LRP1B: variants seen among roughly 807,000 people sequenced by gnomAD.
LRP1B encodes the protein low-density lipoprotein receptor-related protein 1B.
LRP1B carries 217 observed loss-of-function variants against 556.6 expected under a neutral mutation model. The ratio of observed to expected loss-of-function variants is 0.39; its 90% CI spans 0.35 to 0.44. The LOEUF is 0.44. LRP1B is among the 20% of genes least tolerant of loss of function. The pLI is 1.00. For synonymous variants in LRP1B, 2,047 were observed against 1,865.8 expected, an observed-to-expected ratio of 1.10 and a Z score of -2.50; for missense variants, 5,053 against 5,620.8, an observed-to-expected ratio of 0.90 and a Z score of 3.23.
chr2:141,124,319 T>C (rs1574098299), intron 7 of LRP1B, among the ~76,000 whole-genome samples: 1 of 152,166 alleles, frequency 6.6e-6, no homozygotes. Flanking sequence ...TTTACCTTCC[T>C]TCCTCTTTTG....
chr2:141,604,161 C>G (rs545385496), intron 2 of LRP1B, among the ~76,000 whole-genome samples: 1 of 152,172 alleles, frequency 6.6e-6, no homozygotes, highest in South Asian at 2.1e-4. Context: ...TTTTTTATAA[C>G]AGGGAACACC....
At chr2:141,589,257 C>T (rs1358248976) in intron 2 of LRP1B, among the ~76,000 whole-genome samples, 1 of 130,164 alleles carries the variant, frequency 7.7e-6, no homozygotes, top group Admixed American at 7.9e-5. Context: ...CAGTTATGTA[C>T]TCTGTTTGTT....
rs528972765 is a variant in LRP1B, at chr2:141,770,560, C to T, written c.205+39719G>A. ...AGCTATAAATATAGAGAAGCGTTCTCTTTTTTATTGCCAGAAATGCATTTT... is the reference window on the plus strand; with the variant it reads ...AGCTATAAATATAGAGAAGCGTTCTTTTTTTTATTGCCAGAAATGCATTTT... On this transcript the variant is annotated intron_variant, in intron 2 of 90. Transcript: ENST00000389484. Among the ~76,000 whole-genome samples, 4 of 152,296 alleles carry T rather than the reference C, an allele frequency of 2.6e-5. No homozygotes were observed. The South Asian group carries it at 8.3e-4, about 32-fold the overall frequency.
intron 1 of LRP1B, among the ~76,000 whole-genome samples, chr2:141,971,875 A>G (rs1002899153): frequency 1.5e-4 from 23 of 151,536 alleles, no homozygotes; most frequent in East Asian, 1.4e-3. Context: ...TTTCCAGGCT[A>G]GAAATTGTAG....
intron 43 of LRP1B, among the ~76,000 whole-genome samples, chr2:140,548,955 A>G (rs1680446328): frequency 6.6e-6 from 1 of 152,022 alleles, no homozygotes; most frequent in Admixed American, 6.6e-5. Flanking sequence ...ACAAACAAAA[A>G]CAAAAAAACT....
intron 31 of LRP1B, among the ~76,000 whole-genome samples, chr2:140,819,709 A>T (rs1283021780): frequency 6.6e-6 from 1 of 152,224 alleles, no homozygotes; most frequent in Non-Finnish European, 1.5e-5. Flanking sequence ...AAAGTCTAGA[A>T]GAAATAAAAG....
intron 20 of LRP1B, among the ~76,000 whole-genome samples, chr2:140,940,196 A>T (rs906304562): frequency 6.6e-6 from 1 of 151,878 alleles, no homozygotes; most frequent in African/African-American, 2.4e-5. Flanking sequence ...ATTTGGTGTA[A>T]ATTGTTACAA....
chr2:141,608,689 T>C (rs1404146416), intron 2 of LRP1B, among the ~76,000 whole-genome samples: 1 of 152,212 alleles, frequency 6.6e-6, no homozygotes, highest in Non-Finnish European at 1.5e-5. Context: ...AGGCACTTAA[T>C]TTATTATAAG....
At position 140,526,274 on chromosome 2, in the gene LRP1B, G is replaced by T; in HGVS notation, c.7839C>A (p.Asn2613Lys). The T allele has an allele frequency of 6.2e-7, 1 of 1,611,968 alleles. No individual in the cohort carries two copies. Among genetic ancestry groups the T allele is most frequent in the South Asian group, 1.1e-5 (1 of 91,032 alleles). Residue 2613 changes from asparagine (N) to lysine (K), a missense_variant, in exon 48 of 91, where the codon AAC (asparagine) becomes AAA (lysine). Around this residue, in one of 5 missense-constraint regions of LRP1B, gnomAD observed 3,619 missense variants for 3,931.9 expected, o/e 0.92. Transcript: ENST00000389484. ...CIPRSARCNQ[N>K]IDCADASDEK... ...CATCTGAAGCATCTGCACAATCTAT[G>T]TTCTGGTTGCATCGTGCTGATCTTG... is the stretch of plus-strand genomic sequence containing the variant.
intron 66 of LRP1B, among the ~76,000 whole-genome samples, chr2:140,415,944 C>T (rs559356274): frequency 1.3e-5 from 2 of 152,314 alleles, no homozygotes; most frequent in South Asian, 2.1e-4. Flanking sequence ...CCTCGAGAGG[C>T]CATGGATTCC....
intron 77 of LRP1B, among the ~76,000 whole-genome samples, chr2:140,343,474 C>CA (rs906537198): frequency 4.0e-5 from 6 of 151,240 alleles, no homozygotes; most frequent in African/African-American, 1.5e-4. Context: ...AATAACAAGA[C>CA]AAAAATCAAA....
intron 2 of LRP1B, among the ~76,000 whole-genome samples, chr2:141,685,899 G>A (rs878950493): frequency 6.6e-6 from 1 of 151,960 alleles, no homozygotes; most frequent in Non-Finnish European, 1.5e-5. Context: ...AAAAAAATAT[G>A]ACATGTAGCA....
chr2:140,521,738 TA>T (rs1298719246), intron 49 of LRP1B, among the ~76,000 whole-genome samples: 2 of 152,118 alleles, frequency 1.3e-5, no homozygotes, highest in South Asian at 4.1e-4. Context: ...GTAAACTGGA[TA>T]AAAAAGCAAA....
intron 5 of LRP1B, among the ~76,000 whole-genome samples, chr2:141,241,366 G>T (rs893291018): frequency 6.6e-6 from 1 of 152,060 alleles, no homozygotes; most frequent in East Asian, 1.9e-4. Flanking sequence ...AGGGAAGCTT[G>T]TTCTCCAGCT....
intron 60 of LRP1B, among the ~76,000 whole-genome samples, chr2:140,465,190 C>T (rs911868344): frequency 2.6e-5 from 4 of 151,998 alleles, no homozygotes; most frequent in Admixed American, 6.6e-5. Flanking sequence ...GCAAGATGCA[C>T]GTGGAGAGGT....
At chr2:142,080,372 A>G (rs1705665497) in intron 1 of LRP1B, among the ~76,000 whole-genome samples, 1 of 152,194 alleles carries the variant, frequency 6.6e-6, no homozygotes, top group Non-Finnish European at 1.5e-5. Flanking sequence ...GCTGAGTCTT[A>G]GGGTCATGGT....
At position 141,276,638 on chromosome 2, in the gene LRP1B, T is replaced by TTTTCTTTCTTTC. The variant is rs70991151; in HGVS notation, c.344-22009_344-21998dup. On this transcript the variant is annotated intron_variant, in intron 3 of 90. Transcript: ENST00000389484. The stretch of plus-strand genomic sequence containing the variant: ...CAAAGGATATAATCTCATTCTATTT[T>TTTTCTTTCTTTC]TTTCTTTCTTTCTTTCTTTCTTTTT... 9.6e-3 allele frequency among the ~76,000 whole-genome samples: 1,323 copies of TTTTCTTTCTTTC among 137,172 alleles called. 25 individuals carry two copies. The highest frequency in any genetic ancestry group is 0.03 in the African/African-American group (1,113 of 36,896). 90.0% of individuals were successfully genotyped at this position (137,172 alleles called of 152,430 possible). A position where few individuals can be genotyped will look rare whatever the true frequency, so the allele number is the denominator to read the frequency against.
In LRP1B at chr2:140,334,538, A is replaced by G; in HGVS notation, c.12138T>C (p.Val4046=). ...CTTCTTCTATATGGGAATGATCCCC[A>G]ACAACAGTCCAGTACATCATCCTGA... ...PKRGMMYWTV[V]GDHSHIEEAA... The change falls in exon 79 of 91, where the codon GTT becomes GTC. Residue 4046 remains valine, a synonymous_variant. Transcript: ENST00000389484. The G allele has an allele frequency of 6.3e-7, 1 of 1,597,818 alleles. No homozygotes were observed. The highest frequency in any genetic ancestry group is 8.5e-7 in the Non-Finnish European group (1 of 1,172,542).
intron 1 of LRP1B, among the ~76,000 whole-genome samples, chr2:142,042,655 C>T (rs532336836): frequency 1.1e-3 from 172 of 151,568 alleles, no homozygotes; most frequent in African/African-American, 3.7e-3. Flanking sequence ...GTTCAAAAAG[C>T]CTTTCTCAAT....
Sources: allele counts gnomAD v4.1 joint callset (sites outside exome capture counted in the v4.1 genomes callset), GRCh38; gene constraint gnomAD v4.1.1; regional missense constraint gnomAD v4.1.1; transcripts MANE v1.5; gene names NCBI Gene and HGNC (gene_info 2026-07-23, HGNC 2026-07-21).